Variants in TTL observed in about 807,000 individuals in gnomAD.
TTL encodes tubulin tyrosine ligase, also known as tubulin--tyrosine ligase.
TTL carries 10 observed loss-of-function variants against 41.1 expected under a neutral mutation model. The ratio of observed to expected loss-of-function variants is 0.24; its 90% CI spans 0.15 to 0.41. The LOEUF (loss-of-function observed/expected upper bound fraction) is 0.41. Among genes scored for constraint, TTL ranks in the 10% least tolerant of loss-of-function variants. The pLI is 1.00. For synonymous variants in TTL, 175 were observed against 175.5 expected (o/e 1.00, Z 0.02); for missense variants, 367 against 460.4 (o/e 0.80, Z 1.86).
intron 5 of TTL, among the ~76,000 whole-genome samples, chr2:112,510,064 T>A (rs574269025): frequency 5.9e-5 from 9 of 152,242 alleles, no homozygotes; most frequent in Non-Finnish European, 5.9e-5. Context: ...CTTCTTTGAT[T>A]TATGCACTTT....
intron 1 of TTL, 28 bp from the exon 2 acceptor site, chr2:112,485,889 C>T (rs1163040016): frequency 1.3e-6 from 2 of 1,573,754 alleles, no homozygotes; most frequent in East Asian, 2.2e-5. Context: ...GTCCTGTGTC[C>T]CTTCTGAGCC....
intron 2 of TTL, among the ~76,000 whole-genome samples, chr2:112,491,725 A>C (rs1377289108): frequency 6.6e-6 from 1 of 152,200 alleles, no homozygotes; most frequent in Non-Finnish European, 1.5e-5. Flanking sequence ...TTTTTTGAGC[A>C]TTGAGAGGAA....
chr2:112,483,338 C>G (rs1251414271), intron 1 of TTL: 1 of 152,310 alleles, frequency 6.6e-6, no homozygotes, highest in South Asian at 2.1e-4. Flanking sequence ...AGAAGTTGCC[C>G]AGATCGGTTC....
chr2:112,514,275 G>A (rs778717040), intron 5 of TTL, among the ~76,000 whole-genome samples: 7 of 151,914 alleles, frequency 4.6e-5, no homozygotes, highest in Admixed American at 6.6e-5. Context: ...GCAGCTACTC[G>A]GGAGGCTGAG....
At chr2:112,493,603 A>G (rs1012282066) in intron 2 of TTL, among the ~76,000 whole-genome samples, 2 of 152,232 alleles carry the variant, frequency 1.3e-5, no homozygotes, top group African/African-American at 2.4e-5. Flanking sequence ...ATATTTCACT[A>G]TGACCACTGG....
Position 112,529,139 on chromosome 2 carries a change from G to C in TTL, c.*344G>C, listed in dbSNP as rs531584114. The C allele has an allele frequency of 2.5e-6, 1 of 398,796 alleles. No individual in the cohort carries two copies. The highest frequency in any genetic ancestry group is 2.0e-5 in the African/African-American group (1 of 50,744). The allele number at this position is 398,796 out of a possible 1,614,324, so 24.7% of individuals were successfully genotyped here. A position where few individuals can be genotyped will look rare whatever the true frequency, so the allele number is the denominator to read the frequency against. On this transcript the variant is annotated 3_prime_UTR_variant, in exon 7 of 7. Transcript: ENST00000233336. ...CACCCACTGCAGCCCTAGTGCCTTAGCTCCATGCCCGGCTGCAGCCCCACT... is the reference window on the plus strand; with the variant it reads ...CACCCACTGCAGCCCTAGTGCCTTACCTCCATGCCCGGCTGCAGCCCCACT...
chr2:112,489,935 C>A (rs1681335105), intron 2 of TTL, among the ~76,000 whole-genome samples: 1 of 152,086 alleles, frequency 6.6e-6, no homozygotes, highest in Non-Finnish European at 1.5e-5. Flanking sequence ...TCAAGAAAAT[C>A]TGAATTGGAG....
intron 2 of TTL, among the ~76,000 whole-genome samples, chr2:112,489,277 G>A (rs1681320247): frequency 6.6e-6 from 1 of 152,032 alleles, no homozygotes; most frequent in Admixed American, 6.5e-5. Flanking sequence ...AATTTTCATT[G>A]GAAAGCTTTG....
rs565100097 is a variant in TTL, at chr2:112,532,250, G to C, written c.*3455G>C. ...AGACATGGGCACCGGAGTAGGTCCC[G>C]TGTAGCATGCGGGTGCTGTAGAGAA... On this transcript the variant is annotated 3_prime_UTR_variant, in exon 7 of 7. Transcript: ENST00000233336. 7.0e-5 allele frequency: 16 copies of C among 228,316 alleles called. No individual in the cohort carries two copies. Among genetic ancestry groups the C allele is most frequent in the Non-Finnish European group, 1.4e-4 (16 of 114,964 alleles). 14.1% of individuals were successfully genotyped at this position (228,316 alleles called of 1,614,324 possible).
At chr2:112,493,845 G>T (rs1435002567) in intron 2 of TTL, among the ~76,000 whole-genome samples, 1 of 152,086 alleles carries the variant, frequency 6.6e-6, no homozygotes, top group Non-Finnish European at 1.5e-5. Context: ...AAAGATATCG[G>T]CTCAGGATTG....
intron 3 of TTL, among the ~76,000 whole-genome samples, chr2:112,495,655 G>A (rs1681504322): frequency 6.6e-6 from 1 of 152,118 alleles, no homozygotes; most frequent in South Asian, 2.1e-4. Flanking sequence ...AGACCATCCT[G>A]GCTAACACGG....
intron 6 of TTL, chr2:112,521,213 G>A (rs1682217523): frequency 2.0e-6 from 2 of 985,256 alleles, no homozygotes; most frequent in Non-Finnish European, 2.4e-6. Context: ...CCTGTCCCGG[G>A]CTCTGCAGGT....
intron 6 of TTL, among the ~76,000 whole-genome samples, chr2:112,523,303 C>T (rs6718489): frequency 0.23 from 35,252 of 151,884 alleles, 4,701 homozygotes; most frequent in East Asian, 0.58. Flanking sequence ...CACTAACTGC[C>T]ATCAGATTAA....
chr2:112,515,960 A>G (rs1240523515), intron 5 of TTL, among the ~76,000 whole-genome samples: 9 of 46,764 alleles, frequency 1.9e-4, no homozygotes, highest in Non-Finnish European at 3.4e-4. Flanking sequence ...ATAAATAAAT[A>G]AATAAATAAA....
Position 112,519,548 on chromosome 2 carries a change from ATGTT to A in TTL, c.876-732_876-729del, listed in dbSNP as rs1440562570. On this transcript the variant is annotated intron_variant, in intron 5 of 6. Coordinates refer to ENST00000233336, the MANE Select transcript of TTL (RefSeq NM_153712.5). ...GAACTAGCGACATCGTGAGGTCAAC[ATGTT>A]TTTTTTTTTTTTTTTTTTTGCAAAT... 7.5e-3 allele frequency among the ~76,000 whole-genome samples: 1,004 copies of A among 133,192 alleles called. 7 individuals carry two copies. Among genetic ancestry groups the A allele is most frequent in the African/African-American group, 0.027 (934 of 34,630 alleles). The allele number at this position is 133,192 out of a possible 152,430, so 87.4% of individuals were successfully genotyped here. A position where few individuals can be genotyped will look rare whatever the true frequency, so the allele number is the denominator to read the frequency against.
intron 6 of TTL, among the ~76,000 whole-genome samples, chr2:112,524,976 A>C (rs1176041852): frequency 6.6e-6 from 1 of 152,196 alleles, no homozygotes; most frequent in African/African-American, 2.4e-5. Context: ...TATAAGGTGT[A>C]AGGAAGGGAT....
In TTL at chr2:112,530,396, G is replaced by A. The variant is rs950579800; in HGVS notation, c.*1601G>A. 9 of 230,636 alleles carry A rather than the reference G, an allele frequency of 3.9e-5. No homozygotes were observed. Among genetic ancestry groups the A allele is most frequent in the African/African-American group, 8.9e-5 (4 of 45,168 alleles). 14.3% of individuals were successfully genotyped at this position (230,636 alleles called of 1,614,324 possible). A position where few individuals can be genotyped will look rare whatever the true frequency, so the allele number is the denominator to read the frequency against. ...GGAAATTTGGAATTACAAAATAAACGTCCTGGGGGTTACCCAGAATACAGA... is the reference window on the plus strand; with the variant it reads ...GGAAATTTGGAATTACAAAATAAACATCCTGGGGGTTACCCAGAATACAGA... On this transcript the variant is annotated 3_prime_UTR_variant, in exon 7 of 7. Transcript: ENST00000233336.
rs139310928 is a variant in TTL at position 112,485,870 on chromosome 2, G to C, written c.158-47G>C. The C allele has an allele frequency of 2.4e-4, 361 of 1,505,282 alleles. 3 individuals are homozygous for C. In the African/African-American group the frequency reaches 7.8e-3, roughly 33 times the overall value. 93.2% of individuals were successfully genotyped at this position (1,505,282 alleles called of 1,614,324 possible). A position where few individuals can be genotyped will look rare whatever the true frequency, so the allele number is the denominator to read the frequency against. ...GCATGACACAGCTGTCCTCTCTCCT[G>C]CTTGCTGTGTCCTGTGTCCCTTCTG... On this transcript the variant is annotated intron_variant, in intron 1 of 6. Transcript: ENST00000233336.
chr2:112,521,233 G>C (rs1024580940), intron 6 of TTL: 20 of 985,226 alleles, frequency 2.0e-5, no homozygotes, highest in Non-Finnish European at 2.3e-5. Flanking sequence ...TCTGGGAGAT[G>C]CCCAGAGGAA....
Sources: allele counts gnomAD v4.1 joint callset (sites outside exome capture counted in the v4.1 genomes callset), GRCh38; gene constraint gnomAD v4.1.1; transcripts MANE v1.5; gene names NCBI Gene and HGNC (gene_info 2026-07-23, HGNC 2026-07-21).